The following SACS variants were observed in gnomAD, a reference collection of about 807,000 sequenced individuals.
The protein encoded by SACS is sacsin molecular chaperone, also known as sacsin.
Under a neutral mutation model 348.0 loss-of-function variants are expected in SACS, and 197 were observed. The ratio of observed to expected loss-of-function variants is 0.57; its 90% CI spans 0.50 to 0.64. The LOEUF (loss-of-function observed/expected upper bound fraction) is 0.64. Ranked by LOEUF, SACS falls within the 30% of genes least tolerant of loss-of-function variation. SACS has a pLI of 0.00. For synonymous variants in SACS, 1,985 were observed against 1,910.6 expected (o/e 1.04, Z -1.02); for missense variants, 4,999 against 5,360.8 (o/e 0.93, Z 2.11).
intron 2 of SACS, among the ~76,000 whole-genome samples, chr13:23,397,291 G>A (rs1872746671): frequency 6.6e-6 from 1 of 152,158 alleles, no homozygotes; most frequent in Non-Finnish European, 1.5e-5. Flanking sequence ...TTGTTCTAAA[G>A]TAAAATGACT....
chr13:23,344,162 T>C (rs967302974), intron 9 of SACS, among the ~76,000 whole-genome samples: 1 of 150,494 alleles, frequency 6.6e-6, no homozygotes, highest in Non-Finnish European at 1.5e-5. Flanking sequence ...AAGACAAGGA[T>C]ATAATACTAG....
chr13:23,332,861 T>C lies in SACS; in HGVS notation c.11015A>G (p.Glu3672Gly). ...EFIRFHPQYQEVNGTLPLIKF... is the reference protein window; with the variant it reads ...EFIRFHPQYQGVNGTLPLIKF... Reference sequence around the variant, plus strand: ...TATAAGAGGAAGTGTTCCATTTACCTCTTGATATTGAGGATGAAATCTAAT... The same window carrying C: ...TATAAGAGGAAGTGTTCCATTTACCCCTTGATATTGAGGATGAAATCTAAT... Residue 3672 changes from glutamate to glycine, a missense_variant, in exon 10 of 10, where the codon GAG (glutamate) becomes GGG (glycine). Physicochemically the swap from Glu to Gly is moderately conservative, Grantham distance 98 (BLOSUM62 -2). Around this residue, in one of 6 missense-constraint regions of SACS, gnomAD observed 831 missense variants for 941.8 expected, o/e 0.88. Transcript: ENST00000382292. 1.2e-6 allele frequency: 2 copies of C among 1,613,874 alleles called. No individual in the cohort carries two copies. Among genetic ancestry groups the C allele is most frequent in the Non-Finnish European group, 1.7e-6 (2 of 1,179,926 alleles).
At chr13:23,414,270 C>T (rs71429845) in intron 1 of SACS, among the ~76,000 whole-genome samples, 11,634 of 152,264 alleles carry the variant, frequency 0.076, 558 homozygotes, top group South Asian at 0.12. Flanking sequence ...CACCACTGCA[C>T]TCTCGCCTGG....
At chr13:23,412,037 G>A (rs1648632105) in intron 1 of SACS, among the ~76,000 whole-genome samples, 1 of 152,220 alleles carries the variant, frequency 6.6e-6, no homozygotes, top group Non-Finnish European at 1.5e-5. Context: ...AGGCGCGCAG[G>A]TCACAAGGTC....
rs1226334980 is a variant in SACS, at chr13:23,334,678, A to G, written c.9198T>C (p.Gly3066=). Residue 3066 remains glycine (G), a synonymous_variant, in exon 10 of 10, where the codon GGT becomes GGC. Transcript: ENST00000382292. ...YRLKHLLLEI[G]FNLVYNCDET... is the part of the protein sequence containing the mutation. ...CATCACAGTTATAAACCAAGTTGAA[A>G]CCAATTTCTAAAAGGAGATGTTTCA... 6.2e-7 allele frequency: 1 copy of G among 1,613,772 alleles called. No individual in the cohort carries two copies. Among genetic ancestry groups the G allele is most frequent in the South Asian group, 1.1e-5 (1 of 91,070 alleles).
chr13:23,421,027 G>C (rs914723729), intron 1 of SACS, among the ~76,000 whole-genome samples: 1 of 152,062 alleles, frequency 6.6e-6, no homozygotes, highest in Non-Finnish European at 1.5e-5. Flanking sequence ...GTCTGCCTGG[G>C]GCCTGGTGTC....
chr13:23,385,077 C>T lies in SACS; in HGVS notation c.21-9808G>A, dbSNP rs370672638. On this transcript the variant is annotated intron_variant, in intron 2 of 9. Coordinates refer to ENST00000382292, the MANE Select transcript of SACS (RefSeq NM_014363.6). ...GAGATCGAGAACATCCTGGCTAACA[C>T]GGTGAAACGCCATCTCTACTAAAAA... Among the ~76,000 whole-genome samples, 42 of 151,298 alleles carry T rather than the reference C, an allele frequency of 2.8e-4. No homozygotes were observed. The East Asian group carries it at 7.8e-3, about 28-fold the overall frequency.
chr13:23,338,985 A>G lies in SACS; in HGVS notation c.4891T>C (p.Leu1631=), dbSNP rs767230513. The G allele has an allele frequency of 1.1e-4, 177 of 1,613,822 alleles. No individual in the cohort carries two copies. The highest frequency in any genetic ancestry group is 4.2e-6 in the Non-Finnish European group (5 of 1,179,948). The part of the protein sequence containing the change: ...FIDVFGCQLP[L]TVEAPYSYNG... ...TAGCTGTAAGGTGCTTCTACAGTCA[A>G]AGGTAACTGACAGCCAAATACATCT... The change falls in exon 10 of 10, where the codon TTG becomes CTG. Residue 1631 remains leucine, a synonymous_variant. Coordinates refer to ENST00000382292, the MANE Select transcript of SACS (RefSeq NM_014363.6).
intron 9 of SACS, among the ~76,000 whole-genome samples, chr13:23,345,557 T>A (rs1869543588): frequency 6.6e-6 from 1 of 152,230 alleles, no homozygotes; most frequent in Admixed American, 6.5e-5. Context: ...CCAGGGCATG[T>A]GTTAATTATG....
intron 2 of SACS, among the ~76,000 whole-genome samples, chr13:23,397,089 CT>C (rs1271549906): frequency 6.6e-6 from 1 of 152,086 alleles, no homozygotes; most frequent in African/African-American, 2.4e-5. Flanking sequence ...ACTTGCTAGC[CT>C]TCTACAGAAT....
intron 2 of SACS, among the ~76,000 whole-genome samples, chr13:23,399,451 C>G (rs985579350): frequency 6.6e-6 from 1 of 152,174 alleles, no homozygotes; most frequent in African/African-American, 2.4e-5. Flanking sequence ...CTACCCTTCC[C>G]GCCTTTGCCG....
At chr13:23,350,170 A>C (rs1869863287) in intron 9 of SACS, among the ~76,000 whole-genome samples, 1 of 152,190 alleles carries the variant, frequency 6.6e-6, no homozygotes. Flanking sequence ...AAACAGAAAA[A>C]TCCACTGAGC....
chr13:23,402,999 A>C (rs1873048403), intron 2 of SACS, among the ~76,000 whole-genome samples: 1 of 151,614 alleles, frequency 6.6e-6, no homozygotes, highest in Non-Finnish European at 1.5e-5. Flanking sequence ...ACATGATGAA[A>C]CCCTGTCTCT....
chr13:23,427,730 G>A (rs1157739961), intron 1 of SACS: 1 of 152,288 alleles, frequency 6.6e-6, no homozygotes, highest in Non-Finnish European at 1.5e-5. Context: ...AGTGTGGGAA[G>A]TGAAGAAGTT....
In SACS at chr13:23,336,697, C is replaced by T. The variant is rs747405071; in HGVS notation, c.7179G>A (p.Gln2393=). ...RELFETVGVR[Q]SCTVEDFALV... is the part of the protein sequence containing the mutation. Reference sequence around the variant, plus strand: ...GAGCAAAATCTTCAACAGTGCATGACTGCCTCACACCCACGGTTTCAAAAA... The same window carrying T: ...GAGCAAAATCTTCAACAGTGCATGATTGCCTCACACCCACGGTTTCAAAAA... Residue 2393 remains glutamine (Q), a synonymous_variant, in exon 10 of 10, where the codon CAG becomes CAA. Coordinates refer to ENST00000382292, the MANE Select transcript of SACS (RefSeq NM_014363.6). 1.2e-6 allele frequency: 2 copies of T among 1,613,898 alleles called. No homozygotes were observed. The highest frequency in any genetic ancestry group is 1.1e-5 in the South Asian group (1 of 91,068).
intron 2 of SACS, among the ~76,000 whole-genome samples, chr13:23,377,543 C>T (rs1368400646): frequency 6.6e-6 from 1 of 152,178 alleles, no homozygotes; most frequent in Non-Finnish European, 1.5e-5. Context: ...TTATCCTGTC[C>T]ATGCCCTCCA....
chr13:23,333,312 C>A lies in SACS; in HGVS notation c.10564G>T (p.Glu3522Ter), dbSNP rs774853328. The A allele has an allele frequency of 1.2e-6, 2 of 1,603,700 alleles. No individual in the cohort carries two copies. Among genetic ancestry groups the A allele is most frequent in the South Asian group, 2.3e-5 (2 of 87,970 alleles). ...GCATCATGGATTATCAATAAACTTT[C>A]CAGTTTTTCAAAAAGTTGTTCCTTA... Reference protein sequence around the residue: ...EIKEQLFEKLESLLIIHDANS... With the variant: ...EIKEQLFEKL The change falls in exon 10 of 10, where the codon GAA becomes TAA. Residue 3522 changes from glutamate to a stop codon, truncating the protein, a stop_gained. Coordinates refer to ENST00000382292, the MANE Select transcript of SACS (RefSeq NM_014363.6). LOFTEE classifies it high-confidence loss of function.
intron 1 of SACS, among the ~76,000 whole-genome samples, chr13:23,415,177 A>G (rs544983628): frequency 5.9e-5 from 9 of 152,104 alleles, no homozygotes; most frequent in African/African-American, 2.2e-4. Context: ...GACTACAGGC[A>G]TGCACCACTA....
intron 4 of SACS, 73 bp downstream of exon 4, chr13:23,371,005 A>C (rs534770425): frequency 1.9e-5 from 19 of 1,011,082 alleles, no homozygotes; most frequent in Middle Eastern, 2.1e-4. Context: ...AACCAACCAA[A>C]CAAACAAACA....
Sources: allele counts gnomAD v4.1 joint callset (sites outside exome capture counted in the v4.1 genomes callset), GRCh38; gene constraint gnomAD v4.1.1; regional missense constraint gnomAD v4.1.1; transcripts MANE v1.5; gene names NCBI Gene and HGNC (gene_info 2026-07-23, HGNC 2026-07-21).